The following NUP210L variants were observed in gnomAD, a reference collection of about 807,000 sequenced individuals.
NUP210L encodes nucleoporin 210 like.
A neutral mutation model predicts 208.5 loss-of-function variants in NUP210L; 74 were observed. The observed-to-expected ratio is 0.35, with a 90% CI of 0.29 to 0.43. The LOEUF is 0.43. Ranked by LOEUF, NUP210L falls within the 20% of genes least tolerant of loss-of-function variation. The probability of loss-of-function intolerance (pLI) is 1.00; values close to 1 mark genes in which losing one functional copy is unlikely to be tolerated. For synonymous variants in NUP210L, 780 were observed against 816.9 expected (o/e 0.95, Z 0.77); for missense variants, 1,843 against 2,289.4 (o/e 0.81, Z 3.98).
chr1:154,091,071 GTTATTA>G (rs111324293), intron 15 of NUP210L, among the ~76,000 whole-genome samples: 45,986 of 140,602 alleles, frequency 0.33, 8,060 homozygotes, highest in East Asian at 0.58. Context: ...TATTATTGCT[GTTATTA>G]TTATTATTAT....
At chr1:154,024,922 G>GTT (rs71096508) in intron 30 of NUP210L, among the ~76,000 whole-genome samples, 1,060 of 83,558 alleles carry the variant, frequency 0.013, 36 homozygotes, top group Non-Finnish European at 0.016. Flanking sequence ...AGGCTGATCT[G>GTT]TTTTTTTTTT....
exon 17 of NUP210L, chr1:154,070,446 C>G (rs1174807403): frequency 6.3e-7 from 1 of 1,586,524 alleles, no homozygotes; most frequent in Non-Finnish European, 8.6e-7. Context: ...GACTGTGTCC[C>G]TCAGTCTTGA....
intron 4 of NUP210L, among the ~76,000 whole-genome samples, chr1:154,140,784 C>T (rs1054743391): frequency 2.6e-5 from 4 of 151,178 alleles, no homozygotes; most frequent in Admixed American, 2.6e-4. Context: ...AGATTGAGAA[C>T]ATCCTGGCTA....
At chr1:154,006,519 G>A (rs1336925355) in intron 35 of NUP210L, among the ~76,000 whole-genome samples, 3 of 151,478 alleles carry the variant, frequency 2.0e-5, no homozygotes, top group Non-Finnish European at 4.4e-5. Context: ...CTGAGATGGA[G>A]TCTCACTCTT....
chr1:154,092,296 G>A (rs989948646), intron 15 of NUP210L, among the ~76,000 whole-genome samples: 1 of 150,520 alleles, frequency 6.6e-6, no homozygotes, highest in East Asian at 2.0e-4. Context: ...ACCCAGGATG[G>A]TCTCGATCTC....
chr1:154,074,490 T>C (rs1357892149), intron 16 of NUP210L, among the ~76,000 whole-genome samples: 1 of 83,802 alleles, frequency 1.2e-5, no homozygotes, highest in Non-Finnish European at 2.9e-5. Flanking sequence ...GGATCACGAT[T>C]TTTTTTTTTT....
At position 154,089,467 on chromosome 1, in the gene NUP210L, G is replaced by A. The variant is rs775937629; in HGVS notation, c.2315C>T (p.Pro772Leu). 31 of 1,614,004 alleles carry A rather than the reference G, an allele frequency of 1.9e-5. No individual in the cohort carries two copies. The South Asian group carries it at 3.3e-4, about 17-fold the overall frequency. Residue 772 changes from proline to leucine, a missense_variant, in exon 16 of 40, where the codon CCA (proline) becomes CTA (leucine). By Grantham distance (98) the Pro-to-Leu change is moderately conservative. Coordinates refer to ENST00000368559, the Ensembl canonical transcript of NUP210L. ...CAGAGGACATGGCTGGGCACCAGCT[G>A]GCACCTTGTATACTGGAGTTACTGA...
chr1:154,086,543 G>T (rs1655634012), intron 16 of NUP210L, among the ~76,000 whole-genome samples: 1 of 152,100 alleles, frequency 6.6e-6, no homozygotes, highest in Non-Finnish European at 1.5e-5. Context: ...AAGCATGGTG[G>T]CTTATGCCTG....
intron 20 of NUP210L, among the ~76,000 whole-genome samples, chr1:154,058,971 T>C (rs1654008714): frequency 6.6e-6 from 1 of 152,200 alleles, no homozygotes; most frequent in Non-Finnish European, 1.5e-5. Flanking sequence ...GGAGGATCAC[T>C]TGAGCCCAGG....
intron 29 of NUP210L, among the ~76,000 whole-genome samples, chr1:154,026,148 T>C (rs1365435173): frequency 1.3e-5 from 2 of 151,598 alleles, no homozygotes; most frequent in Non-Finnish European, 2.9e-5. Context: ...GGCAGGAGAA[T>C]GGCTTGAACC....
chr1:154,041,756 T>C (rs770420598), intron 27 of NUP210L, among the ~76,000 whole-genome samples: 7 of 152,146 alleles, frequency 4.6e-5, no homozygotes, highest in East Asian at 1.9e-4. Context: ...GATAGACTTC[T>C]GATAATAGGG....
chr1:154,070,528 G>A, intron 16 of NUP210L, 63 bp from the exon 17 acceptor site: 1 of 1,096,036 alleles, frequency 9.1e-7, no homozygotes, highest in Non-Finnish European at 1.2e-6. Context: ...GGGGTAGTAA[G>A]ATATCTCTAA....
At chr1:154,041,224 C>T (rs1652858704) in intron 27 of NUP210L, among the ~76,000 whole-genome samples, 1 of 151,994 alleles carries the variant, frequency 6.6e-6, no homozygotes, top group African/African-American at 2.4e-5. Flanking sequence ...CTCAGCCTCC[C>T]AAAATGCTGG....
intron 20 of NUP210L, among the ~76,000 whole-genome samples, chr1:154,059,978 G>A (rs1187771281): frequency 6.6e-6 from 1 of 152,142 alleles, no homozygotes; most frequent in African/African-American, 2.4e-5. Flanking sequence ...GTGGCCTGGC[G>A]CAGTGGTTCA....
At chr1:154,074,342 A>G (rs1654927347) in intron 16 of NUP210L, among the ~76,000 whole-genome samples, 1 of 151,948 alleles carries the variant, frequency 6.6e-6, no homozygotes, top group Non-Finnish European at 1.5e-5. Context: ...ATAAGCTGGT[A>G]TTTTCCTGGA....
chr1:153,994,039 C>T (rs1247001451), intron 38 of NUP210L, among the ~76,000 whole-genome samples: 4 of 151,732 alleles, frequency 2.6e-5, no homozygotes, highest in Non-Finnish European at 5.9e-5. Flanking sequence ...CCACCACACC[C>T]AGCTAATTTT....
intron 9 of NUP210L, among the ~76,000 whole-genome samples, 171 bp downstream of exon 9, chr1:154,127,131 AAAGAAGAAG>A (rs970982508): frequency 2.0e-5 from 3 of 151,604 alleles, no homozygotes; most frequent in African/African-American, 7.3e-5. Context: ...AAAAGAAGAA[AAAGAAGAAG>A]AAGAAGAAGA....
chr1:154,045,232 G>A (rs1054375799), intron 27 of NUP210L, among the ~76,000 whole-genome samples: 2 of 152,120 alleles, frequency 1.3e-5, no homozygotes, highest in Admixed American at 6.6e-5. Context: ...ATTCCAAGTA[G>A]GGTGGGCTGG....
chr1:154,083,604 C>T (rs1266701965), intron 16 of NUP210L, among the ~76,000 whole-genome samples: 1 of 152,090 alleles, frequency 6.6e-6, no homozygotes, highest in African/African-American at 2.4e-5. Context: ...AATTGGAGAA[C>T]ACCCAGCTGG....
Sources: gnomAD v4.1 joint callset for allele counts (sites outside exome capture counted in the v4.1 genomes callset) on GRCh38, gnomAD v4.1.1 for gene constraint, MANE v1.5 for transcripts, NCBI Gene and HGNC (gene_info 2026-07-23, HGNC 2026-07-21) for gene names.